EPHA6: variants seen among roughly 807,000 people sequenced by gnomAD.
EPHA6 encodes the protein EPH receptor A6.
In EPHA6, 50 loss-of-function variants were observed where a neutral mutation model predicts 112.0. That is an observed-to-expected ratio of 0.45 (90% confidence interval 0.36 to 0.56). The LOEUF is 0.56. EPHA6 is among the 20% of genes least tolerant of loss of function. The pLI is 0.00. For missense variants in EPHA6, 1,280 were observed against 1,417.4 expected (o/e 0.90, Z 1.56); for synonymous variants, 529 against 490.7 (o/e 1.08, Z -1.03).
At chr3:97,323,332 G>A (rs574880674) in intron 5 of EPHA6, among the ~76,000 whole-genome samples, 1 of 151,876 alleles carries the variant, frequency 6.6e-6, no homozygotes. Context: ...TAGGAAAAAG[G>A]TATATGCATA....
intron 11 of EPHA6, among the ~76,000 whole-genome samples, chr3:97,554,149 A>ATT (rs896942448): frequency 6.6e-6 from 1 of 151,698 alleles, no homozygotes; most frequent in East Asian, 1.9e-4. Context: ...AAATGAATGG[A>ATT]TTTTTTTTTC....
At chr3:97,188,643 A>G (rs573272643) in intron 3 of EPHA6, among the ~76,000 whole-genome samples, 185 of 151,786 alleles carry the variant, frequency 1.2e-3, no homozygotes, top group Non-Finnish European at 1.3e-3. Context: ...TGTTTGAAAT[A>G]TTTCTTAAAT....
intron 2 of EPHA6, among the ~76,000 whole-genome samples, chr3:96,917,610 A>G (rs868374742): frequency 6.6e-6 from 1 of 151,958 alleles, no homozygotes; most frequent in Non-Finnish European, 1.5e-5. Flanking sequence ...ACCTACAAAC[A>G]ACCACCATTT....
At chr3:96,977,387 G>C (rs142837181) in intron 2 of EPHA6, among the ~76,000 whole-genome samples, 5 of 152,112 alleles carry the variant, frequency 3.3e-5, no homozygotes, top group African/African-American at 9.7e-5. Flanking sequence ...TAAAAGGGGG[G>C]TGGATGATGA....
intron 6 of EPHA6, among the ~76,000 whole-genome samples, chr3:97,412,964 A>G (rs1287267617): frequency 6.6e-6 from 1 of 151,926 alleles, no homozygotes; most frequent in Non-Finnish European, 1.5e-5. Flanking sequence ...CCCACCAAGA[A>G]TCAGTGTAGC....
chr3:97,047,243 G>C (rs1057088217), intron 3 of EPHA6, among the ~76,000 whole-genome samples: 21 of 151,998 alleles, frequency 1.4e-4, no homozygotes, highest in Non-Finnish European at 2.8e-4. Flanking sequence ...GCTCATGCCT[G>C]TAATCCCAGC....
rs2035926101 is a variant in EPHA6, at chr3:97,752,479, T to TC, written c.*3783dup. On this transcript the variant is annotated 3_prime_UTR_variant, in exon 18 of 18. Transcript: ENST00000389672. Reference sequence around the variant, plus strand: ...AAACTTTCTCAGCCCTGTTTTTAATTCCCCCATCCTCTCTCTTTATTCCTT... The same window carrying TC: ...AAACTTTCTCAGCCCTGTTTTTAATTCCCCCCATCCTCTCTCTTTATTCCTT... 4.5e-6 allele frequency: 1 copy of TC among 221,142 alleles called. No homozygotes were observed. Among genetic ancestry groups the TC allele is most frequent in the African/African-American group, 2.2e-5 (1 of 44,698 alleles). The allele number at this position is 221,142 out of a possible 1,614,324, so 13.7% of individuals were successfully genotyped here. A position where few individuals can be genotyped will look rare whatever the true frequency, so the allele number is the denominator to read the frequency against.
rs1185361767 is a variant in EPHA6, at chr3:96,967,683, TGTG to T, written c.451-19646_451-19644del. On this transcript the variant is annotated intron_variant, in intron 2 of 17. Coordinates refer to ENST00000389672, the MANE Select transcript of EPHA6 (RefSeq NM_001080448.3). The stretch of plus-strand genomic sequence containing the variant: ...TAACAACATAGAATTGAGTAACAGT[TGTG>T]TGTGTGTGTGTGTGTGTGTTTTAAT... Among the ~76,000 whole-genome samples the T allele has an allele frequency of 3.7e-5, 5 of 133,730 alleles. No homozygotes were observed. The South Asian group carries it at 6.4e-4, about 17-fold the overall frequency. The allele number at this position is 133,730 out of a possible 152,430, so 87.7% of individuals were successfully genotyped here.
At chr3:97,619,437 G>C (rs903856876) in intron 13 of EPHA6, among the ~76,000 whole-genome samples, 16 of 146,348 alleles carry the variant, frequency 1.1e-4, no homozygotes, top group Admixed American at 4.8e-4. Context: ...AGAAAAAGGG[G>C]GGGGGGGGCA....
In EPHA6 at chr3:97,004,999, G is replaced by A. The variant is rs576177944; in HGVS notation, c.1114+17006G>A. ...GTCTGTTTTGGCATCAGTACCATGC[G>A]GTTTTGGTTACTGTAGTCTTGTAGT... On this transcript the variant is annotated intron_variant, in intron 3 of 17. Transcript: ENST00000389672. 7.8e-4 allele frequency among the ~76,000 whole-genome samples: 119 copies of A among 152,172 alleles called. 2 individuals carry two copies. In the South Asian group the frequency reaches 0.02, roughly 26 times the overall value.
intron 9 of EPHA6, among the ~76,000 whole-genome samples, chr3:97,483,535 A>G (rs576634310): frequency 5.3e-5 from 8 of 152,346 alleles, no homozygotes; most frequent in Middle Eastern, 3.4e-3. Context: ...CGTAGAGTAC[A>G]AAGAGTCCAG....
chr3:96,880,129 AAG>A (rs1268321370), intron 2 of EPHA6, among the ~76,000 whole-genome samples: 1 of 152,056 alleles, frequency 6.6e-6, no homozygotes, highest in African/African-American at 2.4e-5. Flanking sequence ...AAATAACTAT[AAG>A]AGAGAATTTT....
chr3:97,423,749 T>C (rs1359529701), intron 6 of EPHA6, among the ~76,000 whole-genome samples: 1 of 152,144 alleles, frequency 6.6e-6, no homozygotes, highest in African/African-American at 2.4e-5. Flanking sequence ...ATTACCTGAC[T>C]TCAAACTATA....
chr3:97,594,142 T>TTAATGAC (rs1371264952), intron 12 of EPHA6, among the ~76,000 whole-genome samples: 2 of 152,224 alleles, frequency 1.3e-5, no homozygotes, highest in Non-Finnish European at 2.9e-5. Flanking sequence ...CCCTTAACTC[T>TTAATGAC]TAATGACAAA....
chr3:97,200,486 T>C (rs1288416013), intron 3 of EPHA6, among the ~76,000 whole-genome samples: 2 of 152,106 alleles, frequency 1.3e-5, no homozygotes, highest in East Asian at 3.9e-4. Flanking sequence ...TTGATACATA[T>C]TAAGTGCTCA....
intron 2 of EPHA6, among the ~76,000 whole-genome samples, chr3:96,909,770 A>G (rs895512438): frequency 6.6e-6 from 1 of 152,038 alleles, no homozygotes; most frequent in Non-Finnish European, 1.5e-5. Flanking sequence ...TAAGTGAGCA[A>G]GTGGAACATC....
At chr3:97,505,239 T>C (rs888731503) in intron 10 of EPHA6, among the ~76,000 whole-genome samples, 1 of 152,230 alleles carries the variant, frequency 6.6e-6, no homozygotes, top group Non-Finnish European at 1.5e-5. Flanking sequence ...GTGCAGAACA[T>C]GCAAGTTTGC....
chr3:96,943,717 A>G (rs374482865), intron 2 of EPHA6, among the ~76,000 whole-genome samples: 25 of 152,282 alleles, frequency 1.6e-4, no homozygotes, highest in African/African-American at 5.8e-4. Context: ...TGTATGATAG[A>G]GTATGGTGTT....
chr3:97,584,000 T>A (rs2093465776), intron 11 of EPHA6, among the ~76,000 whole-genome samples: 2 of 152,160 alleles, frequency 1.3e-5, no homozygotes, highest in African/African-American at 4.8e-5. Flanking sequence ...TCTGCCCCGA[T>A]CCCTGAACAC....
Sources: gnomAD v4.1 joint callset for allele counts (sites outside exome capture counted in the v4.1 genomes callset) on GRCh38, gnomAD v4.1.1 for gene constraint, MANE v1.5 for transcripts, NCBI Gene and HGNC (gene_info 2026-07-23, HGNC 2026-07-21) for gene names.